Variants in INPP4A observed in about 807,000 individuals in gnomAD.
INPP4A encodes inositol polyphosphate-4-phosphatase, type I, 107kD.
Under a neutral mutation model 119.8 loss-of-function variants are expected in INPP4A, and 33 were observed. The observed-to-expected ratio is 0.28, with a 90% CI of 0.21 to 0.37. The LOEUF (loss-of-function observed/expected upper bound fraction) is 0.37, where lower values mean the gene tolerates loss of function less well. Among genes scored for constraint, INPP4A ranks in the 10% least tolerant of loss-of-function variants. The pLI is 1.00. For synonymous variants in INPP4A, 496 were observed against 500.7 expected (o/e 0.99, Z 0.12); for missense variants, 956 against 1,289.9 (o/e 0.74, Z 3.97).
At chr2:98,555,901 C>G in intron 16 of INPP4A, 93 bp downstream of exon 16, 2 of 1,422,162 alleles carry the variant, frequency 1.4e-6, no homozygotes, top group African/African-American at 2.8e-5. Flanking sequence ...CCCTCCTCCC[C>G]CATGCAGACT....
intron 1 of INPP4A, among the ~76,000 whole-genome samples, chr2:98,486,026 C>G (rs1489980789): frequency 6.6e-6 from 1 of 152,166 alleles, no homozygotes; most frequent in Non-Finnish European, 1.5e-5. Flanking sequence ...GAGTCAGGAC[C>G]TTCAGTGGGA....
At position 98,522,564 on chromosome 2, in the gene INPP4A, C is replaced by T. The variant is rs144130124; in HGVS notation, c.151+1833C>T. On this transcript the variant is annotated intron_variant, in intron 4 of 24. Coordinates refer to ENST00000409851, the MANE Select transcript of INPP4A (RefSeq NM_001134225.2). Reference sequence around the variant, plus strand: ...ATTTTGAGAGTAAATCCAGAAGGTCCGATATTTAGAAGAAAAAACAGAAGA... The same window carrying T: ...ATTTTGAGAGTAAATCCAGAAGGTCTGATATTTAGAAGAAAAAACAGAAGA... 1.4e-4 allele frequency among the ~76,000 whole-genome samples: 21 copies of T among 151,226 alleles called. No homozygotes were observed. In the East Asian group the frequency reaches 3.3e-3, roughly 24 times the overall value.
chr2:98,537,360 A>G (rs962237228), intron 7 of INPP4A, among the ~76,000 whole-genome samples: 1 of 152,022 alleles, frequency 6.6e-6, no homozygotes. Context: ...CAGCTGTGTC[A>G]TATCAGGATT....
intron 24 of INPP4A, among the ~76,000 whole-genome samples, chr2:98,583,111 A>C (rs1181304263): frequency 6.6e-6 from 1 of 152,236 alleles, no homozygotes; most frequent in Non-Finnish European, 1.5e-5. Flanking sequence ...GTGACTTTAG[A>C]TTTACTCTTC....
At chr2:98,505,111 C>G (rs1016869708) in intron 1 of INPP4A, among the ~76,000 whole-genome samples, 1 of 152,218 alleles carries the variant, frequency 6.6e-6, no homozygotes. Context: ...TAATAACTTG[C>G]TTTCTAGTAA....
intron 17 of INPP4A, among the ~76,000 whole-genome samples, chr2:98,560,482 C>T (rs975814496): frequency 2.6e-5 from 4 of 152,156 alleles, no homozygotes; most frequent in African/African-American, 4.8e-5. Context: ...AGCTCATTGG[C>T]GGGCTAATCT....
intron 1 of INPP4A, among the ~76,000 whole-genome samples, chr2:98,508,318 C>A (rs985261385): frequency 6.6e-6 from 1 of 152,204 alleles, no homozygotes; most frequent in African/African-American, 2.4e-5. Context: ...AAGGCACACC[C>A]AGCCTGCTTT....
At chr2:98,575,266 T>A (rs1698225578) in intron 23 of INPP4A, among the ~76,000 whole-genome samples, 1 of 152,272 alleles carries the variant, frequency 6.6e-6, no homozygotes, top group Non-Finnish European at 1.5e-5. Flanking sequence ...GGCACTGCAG[T>A]GCCCTCTTGG....
chr2:98,488,916 T>C (rs181039823), intron 1 of INPP4A, among the ~76,000 whole-genome samples: 2 of 151,136 alleles, frequency 1.3e-5, no homozygotes, highest in Admixed American at 6.6e-5. Flanking sequence ...CTTTGGATTC[T>C]TGCTTTTGAG....
intron 1 of INPP4A, among the ~76,000 whole-genome samples, chr2:98,503,064 A>G (rs1683421126): frequency 6.6e-6 from 1 of 152,058 alleles, no homozygotes; most frequent in Non-Finnish European, 1.5e-5. Flanking sequence ...TTGGTCGTGA[A>G]TGTTGCCTGT....
intron 24 of INPP4A, among the ~76,000 whole-genome samples, chr2:98,584,658 T>G (rs1466181075): frequency 6.6e-6 from 1 of 152,276 alleles, no homozygotes; most frequent in Non-Finnish European, 1.5e-5. Context: ...GATAAGGTTC[T>G]TTGTTTCTCT....
chr2:98,564,976 A>G (rs1374298874), intron 19 of INPP4A, among the ~76,000 whole-genome samples: 4 of 152,212 alleles, frequency 2.6e-5, no homozygotes, highest in African/African-American at 9.6e-5. Context: ...TAATTACTTA[A>G]CCAGTAACTT....
intron 4 of INPP4A, among the ~76,000 whole-genome samples, chr2:98,530,161 C>G (rs900079320): frequency 6.8e-5 from 10 of 146,978 alleles, no homozygotes; most frequent in Admixed American, 5.4e-4. Context: ...AGATAAATAA[C>G]AAACATCAAA....
rs76344234 is a variant in INPP4A, at chr2:98,588,331, G to T, written c.*723G>T. On this transcript the variant is annotated 3_prime_UTR_variant, in exon 25 of 25. Transcript: ENST00000409851. ...CAAAGCCAGCAGTAAGGTCCCTTTA[G>T]CCTGTCTCCTGTTCTCTGAAGCTCC... 5.0e-3 allele frequency: 1,012 copies of T among 201,266 alleles called. 2 individuals are homozygous for T. The highest frequency in any genetic ancestry group is 7.8e-3 in the Non-Finnish European group (761 of 97,852). 12.5% of individuals were successfully genotyped at this position (201,266 alleles called of 1,614,324 possible).
At chr2:98,482,446 A>C (rs1318903479) in intron 1 of INPP4A, among the ~76,000 whole-genome samples, 3 of 152,270 alleles carry the variant, frequency 2.0e-5, no homozygotes, top group Non-Finnish European at 4.4e-5. Context: ...CAAGGAGGGC[A>C]GTCTGAAGAA....
intron 1 of INPP4A, among the ~76,000 whole-genome samples, chr2:98,470,774 T>C (rs1227878614): frequency 1.3e-5 from 2 of 152,088 alleles, no homozygotes; most frequent in African/African-American, 4.8e-5. Flanking sequence ...TTTAAGCTGT[T>C]CTCCTGCCTC....
Position 98,546,664 on chromosome 2 carries a change from A to G in INPP4A, c.1133A>G (p.Lys378Arg). 2 of 1,613,452 alleles carry G rather than the reference A, an allele frequency of 1.2e-6. No individual in the cohort carries two copies. The highest frequency in any genetic ancestry group is 1.7e-6 in the Non-Finnish European group (2 of 1,179,324). Residue 378 changes from lysine to arginine, a missense_variant, in exon 13 of 25, where the codon AAG (lysine) becomes AGG (arginine). Physicochemically the swap from Lys to Arg is conservative, Grantham distance 26. Coordinates refer to ENST00000409851, the MANE Select transcript of INPP4A (RefSeq NM_001134225.2). The surrounding 1 kb of genome is among the most constrained non-coding windows in gnomAD (Gnocchi z 4.2). ...TTTAAGTCAGGAGGTCTCCGCAAAA[A>G]GCTGCACAAATTTGAAGAGACCAAG... ...QGFKSGGLRK[K>R]LHKFEETKKH...
intron 4 of INPP4A, among the ~76,000 whole-genome samples, chr2:98,525,262 C>G (rs1167215581): frequency 2.6e-5 from 4 of 152,162 alleles, no homozygotes; most frequent in African/African-American, 9.7e-5. Context: ...AGTGGCAGGT[C>G]TAGTGCCTTC....
intron 1 of INPP4A, among the ~76,000 whole-genome samples, chr2:98,467,844 CTATT>C (rs541604707): frequency 3.4e-4 from 51 of 152,174 alleles, no homozygotes; most frequent in Middle Eastern, 3.4e-3. Flanking sequence ...ATCTAGTTCT[CTATT>C]TAATAGTTAT....
Sources: allele counts gnomAD v4.1 joint callset (sites outside exome capture counted in the v4.1 genomes callset), GRCh38; gene constraint gnomAD v4.1.1; non-coding constraint Gnocchi (gnomAD v3.1); transcripts MANE v1.5; gene names NCBI Gene and HGNC (gene_info 2026-07-23, HGNC 2026-07-21).